Variants in PRELID2 observed in about 807,000 individuals in gnomAD.
PRELID2 encodes PRELI domain containing 2, also known as PRELI domain-containing protein 2.
A neutral mutation model predicts 28.4 loss-of-function variants in PRELID2; 25 were observed. That is an observed-to-expected ratio of 0.88 (90% CI 0.64 to 1.23). PRELID2 has a LOEUF of 1.23. Among genes scored for constraint, PRELID2 ranks in the 50% most tolerant of loss-of-function variants. The probability of loss-of-function intolerance (pLI) is 0.00; values close to 1 mark genes in which losing one functional copy is unlikely to be tolerated. For missense variants in PRELID2, 201 were observed against 214.4 expected, an observed-to-expected ratio of 0.94 and a Z score of 0.39; for synonymous variants, 76 against 71.6, an observed-to-expected ratio of 1.06 and a Z score of -0.31.
rs557932254 is a variant in PRELID2 at position 145,820,007 on chromosome 5, C to T, written c.145G>A (p.Gly49Arg). Residue 49 changes from glycine (G) to arginine (R), a missense_variant, in exon 3 of 7, where the codon GGG (glycine) becomes AGG (arginine). Coordinates refer to ENST00000683046, the MANE Select transcript of PRELID2 (RefSeq NM_205846.3). The stretch of plus-strand genomic sequence containing the variant: ...GCAATCCTCTTTCTGTAGATGACCC[C>T]TGTTGATTCATCTAAAAAAGAAATT... ...IMEEKRDEST[G>R]VIYRKRIAIC... 53 of 1,585,304 alleles carry T rather than the reference C, an allele frequency of 3.3e-5. No individual in the cohort carries two copies. In the Middle Eastern group the frequency reaches 8.4e-4, roughly 25 times the overall value.
the PRELID2 span, among the ~76,000 whole-genome samples, chr5:145,401,232 T>C: frequency 0.012 from 1,898 of 152,132 alleles, 36 homozygotes; most frequent in African/African-American, 0.043. Context: ...TCTTTTTTTT[T>C]TTTCTTTTCC....
intron 1 of PRELID2, among the ~76,000 whole-genome samples, chr5:145,594,822 A>G (rs1753279644): frequency 6.6e-6 from 1 of 152,136 alleles, no homozygotes; most frequent in Non-Finnish European, 1.5e-5. Flanking sequence ...AACAAAGACT[A>G]AAGTTTAAGA....
the PRELID2 span, among the ~76,000 whole-genome samples, chr5:145,416,516 C>T: frequency 6.6e-6 from 1 of 151,998 alleles, no homozygotes; most frequent in Non-Finnish European, 1.5e-5. Context: ...GCAACCTACT[C>T]ATCTGACAAA....
intron 1 of PRELID2, among the ~76,000 whole-genome samples, chr5:145,527,832 T>TAA (rs559893134): frequency 9.4e-4 from 143 of 152,296 alleles, no homozygotes; most frequent in African/African-American, 3.2e-3. Flanking sequence ...GTTAATATGG[T>TAA]AACACTTAGA....
the PRELID2 span, among the ~76,000 whole-genome samples, chr5:145,331,806 G>A: frequency 1.3e-5 from 2 of 152,138 alleles, no homozygotes; most frequent in African/African-American, 4.8e-5. Flanking sequence ...ATTTGATCCT[G>A]TCATTATGAT....
At chr5:145,716,700 T>A (rs533151867) in intron 1 of PRELID2, among the ~76,000 whole-genome samples, 7 of 152,252 alleles carry the variant, frequency 4.6e-5, no homozygotes, top group African/African-American at 1.4e-4. Flanking sequence ...ACACTTACTA[T>A]TATATTATAA....
chr5:145,534,894 T>G (rs1473871310), intron 1 of PRELID2, among the ~76,000 whole-genome samples: 1 of 151,928 alleles, frequency 6.6e-6, no homozygotes, highest in Admixed American at 6.6e-5. Flanking sequence ...AATGACTTTC[T>G]CCCTATAGCA....
chr5:145,826,755 G>A (rs924093421), intron 1 of PRELID2, among the ~76,000 whole-genome samples: 4 of 151,960 alleles, frequency 2.6e-5, no homozygotes, highest in African/African-American at 9.7e-5. Flanking sequence ...TATATAAAAA[G>A]TTAGAGGCAA....
intron 1 of PRELID2, among the ~76,000 whole-genome samples, chr5:145,731,502 C>CTT (rs1017472839): frequency 2.0e-5 from 3 of 152,204 alleles, no homozygotes; most frequent in Admixed American, 1.3e-4. Flanking sequence ...GAGCCAAACA[C>CTT]TTACTATCTG....
the PRELID2 span, among the ~76,000 whole-genome samples, chr5:145,253,169 A>G: frequency 6.6e-6 from 1 of 152,132 alleles, no homozygotes; most frequent in African/African-American, 2.4e-5. Flanking sequence ...TTCTGGCTGG[A>G]ATGCTAGTAA....
the PRELID2 span, among the ~76,000 whole-genome samples, chr5:145,305,908 T>C: frequency 6.6e-5 from 10 of 152,186 alleles, no homozygotes; most frequent in Non-Finnish European, 1.3e-4. Context: ...GGTGGGCCAC[T>C]GCTAATGCAA....
chr5:145,435,985 A>T, the PRELID2 span, among the ~76,000 whole-genome samples: 2 of 152,152 alleles, frequency 1.3e-5, no homozygotes, highest in Non-Finnish European at 2.9e-5. Context: ...CAGGTTTGTT[A>T]TATGGGAAAA....
chr5:145,247,675 A>G, the PRELID2 span, among the ~76,000 whole-genome samples: 2 of 152,116 alleles, frequency 1.3e-5, no homozygotes, highest in South Asian at 2.1e-4. Context: ...TGGGCAAAGC[A>G]AGAAGTATAG....
At chr5:145,253,203 G>A in the PRELID2 span, among the ~76,000 whole-genome samples, 1 of 152,156 alleles carries the variant, frequency 6.6e-6, no homozygotes, top group Non-Finnish European at 1.5e-5. Context: ...TTCCCAGAGA[G>A]ATGATAAACT....
the PRELID2 span, among the ~76,000 whole-genome samples, chr5:145,453,089 G>T: frequency 6.6e-6 from 1 of 152,110 alleles, no homozygotes. Flanking sequence ...AATGGAGGGG[G>T]ATTTATTTTG....
the PRELID2 span, among the ~76,000 whole-genome samples, chr5:145,450,054 T>C: frequency 6.6e-6 from 1 of 152,162 alleles, no homozygotes; most frequent in African/African-American, 2.4e-5. Flanking sequence ...CCTGTCAGAA[T>C]GAAGCTGCTG....
rs879256104 is a variant in PRELID2 at position 145,797,825 on chromosome 5, A to T, written c.369-1278T>A. On this transcript the variant is annotated intron_variant, in intron 4 of 6. Coordinates refer to ENST00000683046, the MANE Select transcript of PRELID2 (RefSeq NM_205846.3). ...AAGATCACAATGCATGCAAAGAAACAAGGAAACATGGCCCAATCAAAGAAA... is the reference window on the plus strand; with the variant it reads ...AAGATCACAATGCATGCAAAGAAACTAGGAAACATGGCCCAATCAAAGAAA... Among the ~76,000 whole-genome samples, 44 of 152,030 alleles carry T rather than the reference A, an allele frequency of 2.9e-4. 1 individual carries two copies. Among genetic ancestry groups the T allele is most frequent in the African/African-American group, 1.0e-3 (43 of 41,398 alleles).
intron 1 of PRELID2, among the ~76,000 whole-genome samples, chr5:145,550,986 T>C (rs1168004498): frequency 6.6e-6 from 1 of 152,222 alleles, no homozygotes; most frequent in African/African-American, 2.4e-5. Context: ...ATTCTTCCTT[T>C]AGCAGTTAAA....
At chr5:145,374,102 T>C in the PRELID2 span, among the ~76,000 whole-genome samples, 1 of 151,536 alleles carries the variant, frequency 6.6e-6, no homozygotes, top group African/African-American at 2.4e-5. Flanking sequence ...TTTTGGTGTG[T>C]TTTTGCAAGG....
Sources: allele counts gnomAD v4.1 joint callset (sites outside exome capture counted in the v4.1 genomes callset), GRCh38; gene constraint gnomAD v4.1.1; transcripts MANE v1.5; gene names NCBI Gene and HGNC (gene_info 2026-07-23, HGNC 2026-07-21).